The following ELOVL6 variants were observed in gnomAD, a reference collection of about 807,000 sequenced individuals.
The protein encoded by ELOVL6 is ELOVL fatty acid elongase 6.
ELOVL6 carries 8 observed loss-of-function variants against 31.7 expected under a neutral mutation model. The observed-to-expected ratio is 0.25, with a 90% CI of 0.15 to 0.45. ELOVL6 has a LOEUF of 0.45. Ranked by LOEUF, ELOVL6 falls within the 20% of genes least tolerant of loss-of-function variation. The pLI is 1.00. For missense variants in ELOVL6, 126 were observed against 326.4 expected, an observed-to-expected ratio of 0.39 and a Z score of 4.73; for synonymous variants, 101 against 117.7, an observed-to-expected ratio of 0.86 and a Z score of 0.92.
chr4:110,092,727 C>A (rs1288723167), intron 2 of ELOVL6, among the ~76,000 whole-genome samples: 1 of 152,118 alleles, frequency 6.6e-6, no homozygotes, highest in Non-Finnish European at 1.5e-5. Context: ...TGCAATTAGG[C>A]AATTTCATTA....
intron 2 of ELOVL6, among the ~76,000 whole-genome samples, chr4:110,067,754 C>T (rs1003122156): frequency 6.6e-6 from 1 of 152,160 alleles, no homozygotes; most frequent in African/African-American, 2.4e-5. Context: ...AATTTGTGTA[C>T]ATTTTTTTAA....
chr4:110,158,890 A>G (rs1213790124), intron 1 of ELOVL6, among the ~76,000 whole-genome samples: 1 of 151,808 alleles, frequency 6.6e-6, no homozygotes, highest in African/African-American at 2.4e-5. Context: ...TCAACTCCTG[A>G]CCTCAGGTGA....
At chr4:110,186,433 C>T (rs1244505053) in intron 1 of ELOVL6, among the ~76,000 whole-genome samples, 1 of 151,932 alleles carries the variant, frequency 6.6e-6, no homozygotes, top group Non-Finnish European at 1.5e-5. Flanking sequence ...TTCTTTTGTC[C>T]TCTTCTGATC....
chr4:110,195,539 TA>T (rs1004459789), intron 1 of ELOVL6, among the ~76,000 whole-genome samples: 2 of 150,966 alleles, frequency 1.3e-5, no homozygotes, highest in East Asian at 1.9e-4. Context: ...ATCTGGCATT[TA>T]AAAAAAAACA....
intron 2 of ELOVL6, among the ~76,000 whole-genome samples, chr4:110,072,901 A>C (rs1755531332): frequency 6.6e-6 from 1 of 152,196 alleles, no homozygotes; most frequent in South Asian, 2.1e-4. Flanking sequence ...CTGTGAAATA[A>C]GGCAACAAGA....
rs532287399 is a variant in ELOVL6 at position 110,059,892 on chromosome 4, T to C, written c.222-138A>G. The C allele has an allele frequency of 5.5e-6, 4 of 731,836 alleles. No individual in the cohort carries two copies. The African/African-American group carries it at 7.1e-5, about 13-fold the overall frequency. 45.3% of individuals were successfully genotyped at this position (731,836 alleles called of 1,614,324 possible). On this transcript the variant is annotated intron_variant, in intron 2 of 3. Coordinates refer to ENST00000302274, the MANE Select transcript of ELOVL6 (RefSeq NM_024090.3). ...TATTATTTGTATTTCCTTGAAAGCATCTTAAAATGTTCTGTAAACAAGAGC... is the reference window on the plus strand; with the variant it reads ...TATTATTTGTATTTCCTTGAAAGCACCTTAAAATGTTCTGTAAACAAGAGC...
intron 1 of ELOVL6, among the ~76,000 whole-genome samples, chr4:110,139,038 G>T (rs1305313620): frequency 6.6e-6 from 1 of 151,966 alleles, no homozygotes; most frequent in African/African-American, 2.4e-5. Flanking sequence ...GATATTAAAA[G>T]TTCTTATCTT....
Position 110,056,538 on chromosome 4 carries a change from TA to T in ELOVL6, c.373+3064del, listed in dbSNP as rs528815118. Among the ~76,000 whole-genome samples, 671 of 146,176 alleles carry T rather than the reference TA, an allele frequency of 4.6e-3. 9 individuals are homozygous for T. Among genetic ancestry groups the T allele is most frequent in the Non-Finnish European group, 3.2e-3 (212 of 66,010 alleles). On this transcript the variant is annotated intron_variant, in intron 3 of 3. Transcript: ENST00000302274. The stretch of plus-strand genomic sequence containing the variant: ...AACAATATCCCATATTTTAAAATGT[TA>T]AAAAAAAAAAGTATTCAGAACATGA...
intron 1 of ELOVL6, among the ~76,000 whole-genome samples, chr4:110,196,565 A>G (rs1396119451): frequency 1.6e-4 from 25 of 152,058 alleles, no homozygotes; most frequent in Admixed American, 1.6e-3. Context: ...TTAGTGTCCA[A>G]CCTCCTTCCG....
intron 1 of ELOVL6, chr4:110,117,911 T>A (rs1383426682): frequency 0.015 from 318 of 20,796 alleles, 23 homozygotes; most frequent in African/African-American, 0.065. Flanking sequence ...AAAATATATA[T>A]ATATATATAT....
chr4:110,061,894 T>C (rs1755153806), intron 2 of ELOVL6, among the ~76,000 whole-genome samples: 1 of 152,174 alleles, frequency 6.6e-6, no homozygotes, highest in African/African-American at 2.4e-5. Flanking sequence ...ATGATCAGAG[T>C]AGATCCAAAG....
At chr4:110,194,609 T>TA (rs1759718289) in intron 1 of ELOVL6, among the ~76,000 whole-genome samples, 1 of 152,210 alleles carries the variant, frequency 6.6e-6, no homozygotes. Context: ...TTGAACCCTT[T>TA]AGGGTTTATA....
intron 2 of ELOVL6, among the ~76,000 whole-genome samples, chr4:110,080,749 AG>A (rs1335463690): frequency 3.3e-5 from 5 of 152,192 alleles, no homozygotes; most frequent in African/African-American, 1.2e-4. Flanking sequence ...CAGGGTAATC[AG>A]GCAGGAGAAG....
At chr4:110,067,511 C>T (rs1755338754) in intron 2 of ELOVL6, among the ~76,000 whole-genome samples, 1 of 152,138 alleles carries the variant, frequency 6.6e-6, no homozygotes, top group South Asian at 2.1e-4. Context: ...CCTCAGGAGA[C>T]TTACAATCAC....
chr4:110,047,687 C>T lies in ELOVL6; in HGVS notation c.*3651G>A, dbSNP rs539528989. The T allele has an allele frequency of 2.6e-5, 4 of 152,266 alleles. No homozygotes were observed. The highest frequency in any genetic ancestry group is 7.2e-5 in the African/African-American group (3 of 41,534). The allele number at this position is 152,266 out of a possible 1,614,324, so 9.4% of individuals were successfully genotyped here. A position where few individuals can be genotyped will look rare whatever the true frequency, so the allele number is the denominator to read the frequency against. ...GGTGGATCCCCTGAGGTCAGGAGCT[C>T]GAGACCAGCCTGGCCAACATGGTGA... On this transcript the variant is annotated 3_prime_UTR_variant, in exon 4 of 4. Transcript: ENST00000302274.
At chr4:110,181,217 C>T (rs141337697) in intron 1 of ELOVL6, among the ~76,000 whole-genome samples, 3 of 151,984 alleles carry the variant, frequency 2.0e-5, no homozygotes, top group South Asian at 4.1e-4. Flanking sequence ...GAGGCTGAGG[C>T]GGGTGGATTG....
chr4:110,164,530 CCAAGGCAGAAACAAGCTGAGG>C (rs1198931043), intron 1 of ELOVL6, among the ~76,000 whole-genome samples: 1 of 151,932 alleles, frequency 6.6e-6, no homozygotes, highest in African/African-American at 2.4e-5. Context: ...CTTTGGGAAG[CCAAGGCAGAAACAAGCTGAGG>C]CAACGTGGCG....
At position 110,084,264 on chromosome 4, in the gene ELOVL6, A is replaced by T. The variant is rs528740477; in HGVS notation, c.221+21233T>A. Among the ~76,000 whole-genome samples, 3 of 136,596 alleles carry T rather than the reference A, an allele frequency of 2.2e-5. No homozygotes were observed. In the South Asian group the frequency reaches 6.8e-4, roughly 31 times the overall value. The allele number at this position is 136,596 out of a possible 152,430, so 89.6% of individuals were successfully genotyped here. A position where few individuals can be genotyped will look rare whatever the true frequency, so the allele number is the denominator to read the frequency against. On this transcript the variant is annotated intron_variant, in intron 2 of 3. Transcript: ENST00000302274. ...ATATGATATATATAACATATAGCTT[A>T]TATGTGATATATAACATATATAACT...
chr4:110,125,300 G>A (rs1757461773), intron 1 of ELOVL6, among the ~76,000 whole-genome samples: 1 of 151,974 alleles, frequency 6.6e-6, no homozygotes, highest in Admixed American at 6.6e-5. Flanking sequence ...AAACATAAAT[G>A]TTTCAAAGAT....
Sources: gnomAD v4.1 joint callset for allele counts (sites outside exome capture counted in the v4.1 genomes callset) on GRCh38, gnomAD v4.1.1 for gene constraint, MANE v1.5 for transcripts, NCBI Gene and HGNC (gene_info 2026-07-23, HGNC 2026-07-21) for gene names.